UNC79: variants seen among roughly 807,000 people sequenced by gnomAD.
UNC79 encodes unc-79 subunit of NALCN channel complex.
Under a neutral mutation model 283.1 loss-of-function variants are expected in UNC79, and 37 were observed. The ratio of observed to expected loss-of-function variants is 0.13; its 90% CI spans 0.10 to 0.17. The LOEUF is 0.17. Among genes scored for constraint, UNC79 ranks in the 10% least tolerant of loss-of-function variants. The pLI, the probability that UNC79 is intolerant of heterozygous loss-of-function variation, is 1.00. For synonymous variants in UNC79, 1,107 were observed against 1,200.2 expected (o/e 0.92, Z 1.61); for missense variants, 2,272 against 3,211.1 (o/e 0.71, Z 7.07).
intron 24 of UNC79, among the ~76,000 whole-genome samples, chr14:93,599,923 T>C (rs2065366391): frequency 2.0e-5 from 3 of 151,986 alleles, no homozygotes; most frequent in Non-Finnish European, 4.4e-5. Flanking sequence ...CAGATGCAGC[T>C]GGGCGTGGTG....
At chr14:93,420,334 T>G (rs1555406473) in intron 1 of UNC79, among the ~76,000 whole-genome samples, 1 of 151,330 alleles carries the variant, frequency 6.6e-6, no homozygotes, top group Non-Finnish European at 1.5e-5. Flanking sequence ...TCCAACAAAA[T>G]AGATTTCAAG....
chr14:93,348,476 T>C (rs1323545334), intron 1 of UNC79: 2 of 191,122 alleles, frequency 1.0e-5, no homozygotes, highest in Non-Finnish European at 2.1e-5. Flanking sequence ...GGAGTGAATG[T>C]ATCTAGTGAC....
intron 1 of UNC79, among the ~76,000 whole-genome samples, chr14:93,381,062 A>G (rs2054655163): frequency 6.6e-6 from 1 of 152,220 alleles, no homozygotes; most frequent in African/African-American, 2.4e-5. Flanking sequence ...TTTTGTAAAA[A>G]CAAATACATG....
intron 22 of UNC79, among the ~76,000 whole-genome samples, chr14:93,591,221 C>T (rs1327827277): frequency 6.6e-6 from 1 of 152,104 alleles, no homozygotes; most frequent in East Asian, 1.9e-4. Flanking sequence ...TCCATATGCT[C>T]TCTGTAAAAT....
At position 93,635,461 on chromosome 14, in the gene UNC79, T is replaced by G. The variant is rs573263695; in HGVS notation, c.5717-1755T>G. On this transcript the variant is annotated intron_variant, in intron 31 of 48. Coordinates refer to ENST00000555664, the Ensembl canonical transcript of UNC79. ...GGCCTACCCTTGAATCGGACTCTTT[T>G]AGTATCGTGATTAATACTTTCTGGC... 2.6e-5 allele frequency among the ~76,000 whole-genome samples: 4 copies of G among 152,386 alleles called. No individual in the cohort carries two copies. In the East Asian group the frequency reaches 7.7e-4, roughly 29 times the overall value.
intron 40 of UNC79, among the ~76,000 whole-genome samples, chr14:93,672,407 A>C (rs921607422): frequency 3.9e-5 from 6 of 152,210 alleles, no homozygotes; most frequent in African/African-American, 1.4e-4. Context: ...GAAATAATCC[A>C]GGCACAGAAA....
At chr14:93,608,730 G>T (rs1566765618) in intron 26 of UNC79, among the ~76,000 whole-genome samples, 1 of 152,140 alleles carries the variant, frequency 6.6e-6, no homozygotes, top group Non-Finnish European at 1.5e-5. Context: ...TTGGCAGAGG[G>T]GTCAGTGAGT....
At chr14:93,394,899 G>C (rs2054964180) in intron 1 of UNC79, among the ~76,000 whole-genome samples, 1 of 152,018 alleles carries the variant, frequency 6.6e-6, no homozygotes, top group Admixed American at 6.6e-5. Flanking sequence ...TTTTTGTAGA[G>C]ATAAGGTCTC....
chr14:93,584,309 C>T (rs765123189), intron 20 of UNC79, among the ~76,000 whole-genome samples: 19 of 152,166 alleles, frequency 1.2e-4, no homozygotes, highest in Non-Finnish European at 1.9e-4. Context: ...AGAGCTGTAA[C>T]GGAACATCGG....
At chr14:93,509,125 T>G (rs1324922605) in intron 7 of UNC79, among the ~76,000 whole-genome samples, 4 of 152,068 alleles carry the variant, frequency 2.6e-5, no homozygotes, top group African/African-American at 9.7e-5. Context: ...GGGAAGTGTG[T>G]ACACATCCTT....
At chr14:93,427,695 A>G (rs1234701060), upstream of UNC79, among the ~76,000 whole-genome samples, 14 of 151,974 alleles carry the variant, frequency 9.2e-5, no homozygotes, top group Non-Finnish European at 2.1e-4. Context: ...ACATTATAAC[A>G]AGTTCCTAGA....
intron 14 of UNC79, 44 bp downstream of exon 14, chr14:93,542,740 T>C (rs776394797): frequency 6.2e-7 from 1 of 1,604,230 alleles, no homozygotes; most frequent in African/African-American, 1.3e-5. Context: ...AGAGGAGGAC[T>C]TGGGGAGAAG....
At chr14:93,549,312 C>A (rs1158694993) in intron 14 of UNC79, among the ~76,000 whole-genome samples, 1 of 152,156 alleles carries the variant, frequency 6.6e-6, no homozygotes, top group East Asian at 1.9e-4. Flanking sequence ...AAAATCAAAT[C>A]TGTATATTCT....
At chr14:93,659,260 G>A in exon 39 of UNC79, 1 of 1,604,488 alleles carries the variant, frequency 6.2e-7, no homozygotes, top group Middle Eastern at 1.7e-4. Flanking sequence ...AATGCTACAA[G>A]GGTATGTATG....
intron 1 of UNC79, chr14:93,334,909 A>T (rs572723528): frequency 6.6e-6 from 1 of 152,336 alleles, no homozygotes; most frequent in South Asian, 2.1e-4. Context: ...GCGGTGTGTA[A>T]ACACTGCTTC....
rs1243003681 is a variant in UNC79, at chr14:93,654,489, T to C, written c.6282+464T>C. 3.6e-5 allele frequency among the ~76,000 whole-genome samples: 5 copies of C among 140,298 alleles called. No individual in the cohort carries two copies. In the East Asian group the frequency reaches 9.6e-4, roughly 27 times the overall value. 92.0% of individuals were successfully genotyped at this position (140,298 alleles called of 152,430 possible). ...CCAAGTTGTAATGGCTACATTACACTCCAATGGCTACATTACACTCGCAAC... is the reference window on the plus strand; with the variant it reads ...CCAAGTTGTAATGGCTACATTACACCCCAATGGCTACATTACACTCGCAAC... On this transcript the variant is annotated intron_variant, in intron 37 of 48. Coordinates refer to ENST00000555664, the Ensembl canonical transcript of UNC79.
intron 41 of UNC79, among the ~76,000 whole-genome samples, chr14:93,678,359 C>G (rs1200484305): frequency 6.6e-6 from 1 of 152,234 alleles, no homozygotes; most frequent in Non-Finnish European, 1.5e-5. Flanking sequence ...AAAACAGAGT[C>G]TGTTGCTCCA....
intron 41 of UNC79, among the ~76,000 whole-genome samples, chr14:93,676,542 A>G (rs758952778): frequency 6.6e-6 from 1 of 152,174 alleles, no homozygotes; most frequent in Non-Finnish European, 1.5e-5. Context: ...CCTAGACTTC[A>G]GGGCACTGAA....
chr14:93,657,717 A>G (rs540282039), intron 38 of UNC79, among the ~76,000 whole-genome samples: 2 of 152,318 alleles, frequency 1.3e-5, no homozygotes, highest in Non-Finnish European at 2.9e-5. Flanking sequence ...TGGGCACAGA[A>G]GAGTGGCAAG....
Sources: gnomAD v4.1 joint callset for allele counts (sites outside exome capture counted in the v4.1 genomes callset) on GRCh38, gnomAD v4.1.1 for gene constraint, MANE v1.5 for transcripts, NCBI Gene and HGNC (gene_info 2026-07-23, HGNC 2026-07-21) for gene names.